NFYC: variants seen among roughly 807,000 people sequenced by gnomAD.
NFYC encodes the protein nuclear transcription factor Y subunit gamma.
Under a neutral mutation model 53.1 loss-of-function variants are expected in NFYC, and 25 were observed. The ratio of observed to expected loss-of-function variants is 0.47; its 90% CI spans 0.34 to 0.66. The LOEUF is 0.66. Ranked by LOEUF, NFYC falls within the 30% of genes least tolerant of loss-of-function variation. NFYC has a pLI of 0.01. For missense variants in NFYC, 260 were observed against 422.7 expected (o/e 0.62, Z 3.38); for synonymous variants, 145 against 152.6 (o/e 0.95, Z 0.37).
chr1:40,702,230 C>T (rs1045180873), intron 1 of NFYC, among the ~76,000 whole-genome samples: 1 of 151,958 alleles, frequency 6.6e-6, no homozygotes, highest in Non-Finnish European at 1.5e-5. Flanking sequence ...TATTTCATTC[C>T]TTCATTCACT....
intron 1 of NFYC, among the ~76,000 whole-genome samples, chr1:40,731,132 C>T (rs1340236249): frequency 2.0e-5 from 3 of 152,110 alleles, no homozygotes; most frequent in Non-Finnish European, 4.4e-5. Context: ...TTGGGATAGG[C>T]TTCAATCATC....
intron 1 of NFYC, among the ~76,000 whole-genome samples, chr1:40,718,149 C>G (rs1025107685): frequency 3.3e-5 from 5 of 152,220 alleles, no homozygotes; most frequent in Non-Finnish European, 7.4e-5. Flanking sequence ...CATGAAGCTC[C>G]CCTTGAAGGT....
intron 1 of NFYC, among the ~76,000 whole-genome samples, chr1:40,737,379 A>T (rs1039909728): frequency 1.4e-5 from 2 of 146,144 alleles, no homozygotes; most frequent in African/African-American, 5.1e-5. Flanking sequence ...CCCAGGCTGG[A>T]GTGCAATGGC....
intron 1 of NFYC, among the ~76,000 whole-genome samples, chr1:40,694,729 T>C (rs1262594937): frequency 1.3e-5 from 2 of 152,140 alleles, no homozygotes; most frequent in Non-Finnish European, 2.9e-5. Flanking sequence ...TAGCCCCTTA[T>C]ACCCATGGCC....
At chr1:40,761,268 G>C (rs1156277400) in intron 6 of NFYC, among the ~76,000 whole-genome samples, 1 of 152,174 alleles carries the variant, frequency 6.6e-6, no homozygotes, top group East Asian at 1.9e-4. Context: ...AGCTGATAAG[G>C]CTTGTGAGGA....
rs1461722370 is a variant in NFYC, at chr1:40,749,631, A to G, written c.236A>G (p.Glu79Gly). ...AAGGCAGCCCAGATTTTTATCACAG[A>G]GTTGACTCTTCGAGCCTGGATTCAC... ...FAKAAQIFIT[E>G]LTLRAWIHTE... is the part of the protein sequence containing the mutation. The change falls in exon 4 of 10, where the codon GAG becomes GGG. Residue 79 changes from glutamate to glycine, a missense_variant. By Grantham distance (98) the Glu-to-Gly change is moderately conservative (BLOSUM62 -2). Transcript: ENST00000447388. The G allele has an allele frequency of 5.0e-6, 8 of 1,614,070 alleles. No homozygotes were observed. In the Admixed American group the frequency reaches 1.0e-4, roughly 20 times the overall value.
At chr1:40,721,875 T>G (rs1363781902) in intron 1 of NFYC, among the ~76,000 whole-genome samples, 1 of 152,040 alleles carries the variant, frequency 6.6e-6, no homozygotes, top group Non-Finnish European at 1.5e-5. Context: ...AGGAGACATA[T>G]TCTAAGAATT....
At chr1:40,713,457 TA>T (rs1474918223) in intron 1 of NFYC, among the ~76,000 whole-genome samples, 2 of 152,244 alleles carry the variant, frequency 1.3e-5, no homozygotes, top group Non-Finnish European at 2.9e-5. Context: ...GTCTCCCTTT[TA>T]AAGAGGCTAA....
chr1:40,725,359 G>A (rs1479730163), intron 1 of NFYC, among the ~76,000 whole-genome samples: 1 of 152,204 alleles, frequency 6.6e-6, no homozygotes, highest in Non-Finnish European at 1.5e-5. Context: ...GAGTGGCTTA[G>A]TAGAGTGACT....
chr1:40,702,432 T>G lies in NFYC; in HGVS notation c.-9+10565T>G, dbSNP rs192882843. Among the ~76,000 whole-genome samples the G allele has an allele frequency of 2.7e-5, 4 of 149,256 alleles. No homozygotes were observed. In the East Asian group the frequency reaches 8.2e-4, roughly 31 times the overall value. On this transcript the variant is annotated intron_variant, in intron 1 of 9. Coordinates refer to ENST00000447388, the MANE Select transcript of NFYC (RefSeq NM_014223.5). ...ATCTTGGCTCACTGTAACCTCCGCCTACCAGGTTTAAGCGATTCTCCTGCC... is the reference window on the plus strand; with the variant it reads ...ATCTTGGCTCACTGTAACCTCCGCCGACCAGGTTTAAGCGATTCTCCTGCC...
intron 1 of NFYC, among the ~76,000 whole-genome samples, chr1:40,733,974 T>G (rs192784726): frequency 1.3e-3 from 198 of 152,306 alleles, no homozygotes; most frequent in African/African-American, 4.6e-3. Context: ...CTTGAACTCC[T>G]GACCTCAAGT....
At chr1:40,758,082 G>A in intron 5 of NFYC, 39 bp from the exon 6 acceptor site, 1 of 1,609,902 alleles carries the variant, frequency 6.2e-7, no homozygotes, top group Non-Finnish European at 8.5e-7. Flanking sequence ...TGCTGAGTTG[G>A]TTCTTTTCCT....
At chr1:40,714,222 TTTAA>T (rs1413446159) in intron 1 of NFYC, among the ~76,000 whole-genome samples, 3 of 152,338 alleles carry the variant, frequency 2.0e-5, no homozygotes, top group Admixed American at 2.0e-4. Context: ...CTAACCTGTA[TTTAA>T]TAAACAAAGA....
intron 5 of NFYC, among the ~76,000 whole-genome samples, chr1:40,755,285 C>G (rs565904401): frequency 1.1e-4 from 17 of 152,310 alleles, no homozygotes; most frequent in African/African-American, 4.1e-4. Context: ...AAGAGCAAGC[C>G]CTGTAGTTGG....
At chr1:40,697,602 A>G (rs930426620) in intron 1 of NFYC, among the ~76,000 whole-genome samples, 3 of 152,238 alleles carry the variant, frequency 2.0e-5, no homozygotes, top group Non-Finnish European at 2.9e-5. Context: ...TGGTGTTTTC[A>G]TTCTGACCAG....
intron 1 of NFYC, among the ~76,000 whole-genome samples, chr1:40,736,396 TAG>T (rs1033716227): frequency 1.3e-5 from 2 of 152,244 alleles, no homozygotes; most frequent in African/African-American, 4.8e-5. Context: ...TCTGCTGTGA[TAG>T]AGTGTTCTGC....
intron 4 of NFYC, among the ~76,000 whole-genome samples, chr1:40,752,391 A>C (rs115707532): frequency 6.9e-4 from 105 of 152,284 alleles, no homozygotes; most frequent in African/African-American, 2.3e-3. Flanking sequence ...TTAACTATAC[A>C]TAATATGTTG....
chr1:40,750,283 A>G (rs759628623), intron 4 of NFYC, among the ~76,000 whole-genome samples: 6 of 152,170 alleles, frequency 3.9e-5, no homozygotes, highest in Non-Finnish European at 8.8e-5. Context: ...TTTCCCAGAT[A>G]CAAGAAGAAG....
chr1:40,733,989 C>G (rs1179110429), intron 1 of NFYC, among the ~76,000 whole-genome samples: 3 of 152,112 alleles, frequency 2.0e-5, no homozygotes, highest in African/African-American at 7.2e-5. Context: ...TCAAGTGATC[C>G]TCCACCTCAG....
Sources: gnomAD v4.1 joint callset for allele counts (sites outside exome capture counted in the v4.1 genomes callset) on GRCh38, gnomAD v4.1.1 for gene constraint, MANE v1.5 for transcripts, NCBI Gene and HGNC (gene_info 2026-07-23, HGNC 2026-07-21) for gene names.